Variants in UVRAG observed in about 807,000 individuals in gnomAD.
UVRAG encodes the protein UV radiation resistance-associated gene protein.
In UVRAG, 19 loss-of-function variants were observed where a neutral mutation model predicts 78.0. The ratio of observed to expected loss-of-function variants is 0.24; its 90% CI spans 0.17 to 0.36. UVRAG has a LOEUF of 0.36. UVRAG is among the 10% of genes least tolerant of loss of function. The probability of loss-of-function intolerance (pLI) is 1.00; values close to 1 mark genes in which losing one functional copy is unlikely to be tolerated. For missense variants in UVRAG, 740 were observed against 853.8 expected (o/e 0.87, Z 1.66); for synonymous variants, 323 against 324.6 (o/e 1.00, Z 0.05).
chr11:75,904,401 G>T (rs770654697), intron 5 of UVRAG, among the ~76,000 whole-genome samples: 2 of 152,164 alleles, frequency 1.3e-5, no homozygotes, highest in Non-Finnish European at 2.9e-5. Context: ...AGATACAAAT[G>T]AGCCGTTTCT....
intron 3 of UVRAG, among the ~76,000 whole-genome samples, chr11:75,865,564 G>A (rs1415956292): frequency 2.0e-5 from 3 of 151,724 alleles, no homozygotes; most frequent in Non-Finnish European, 4.4e-5. Flanking sequence ...AGCCACATGA[G>A]GCTAGTAGAT....
At chr11:76,071,364 A>G (rs1951304774) in intron 13 of UVRAG, among the ~76,000 whole-genome samples, 1 of 152,194 alleles carries the variant, frequency 6.6e-6, no homozygotes, top group South Asian at 2.1e-4. Context: ...GGAAAGAGCT[A>G]TGTTGAGGTA....
chr11:75,818,199 A>G (rs1200533904), intron 1 of UVRAG, among the ~76,000 whole-genome samples: 11 of 152,208 alleles, frequency 7.2e-5, no homozygotes, highest in Non-Finnish European at 2.9e-5. Context: ...TTTCTAATGT[A>G]AAAGATCAGT....
chr11:76,140,181 G>A (rs1952690587), intron 14 of UVRAG, among the ~76,000 whole-genome samples: 1 of 139,818 alleles, frequency 7.2e-6, no homozygotes, highest in Non-Finnish European at 1.5e-5. Flanking sequence ...CTAATGCAAG[G>A]TGGTTAGCAT....
At chr11:75,892,334 T>C (rs528632034) in intron 5 of UVRAG, 1 of 985,350 alleles carries the variant, frequency 1.0e-6, no homozygotes, top group African/African-American at 1.7e-5. Flanking sequence ...TTTCATGACC[T>C]TTTCTCCTGA....
intron 6 of UVRAG, among the ~76,000 whole-genome samples, chr11:75,956,807 T>C (rs1373361236): frequency 6.6e-6 from 1 of 152,204 alleles, no homozygotes; most frequent in East Asian, 1.9e-4. Flanking sequence ...CTCATTATGA[T>C]TTTAATATGC....
At chr11:75,859,704 C>T (rs1363610457) in intron 2 of UVRAG, among the ~76,000 whole-genome samples, 1 of 151,962 alleles carries the variant, frequency 6.6e-6, no homozygotes, top group African/African-American at 2.4e-5. Flanking sequence ...TTTAACTCTA[C>T]ATTCACTCAT....
At chr11:75,881,799 A>G (rs549711450) in intron 4 of UVRAG, among the ~76,000 whole-genome samples, 1 of 152,236 alleles carries the variant, frequency 6.6e-6, no homozygotes, top group Non-Finnish European at 1.5e-5. Flanking sequence ...ATTTGCTATC[A>G]TCAGATATAG....
chr11:76,000,595 A>G (rs1179320610), intron 8 of UVRAG, among the ~76,000 whole-genome samples: 3 of 151,900 alleles, frequency 2.0e-5, no homozygotes, highest in Non-Finnish European at 4.4e-5. Flanking sequence ...AGCCTGGGCA[A>G]CAGAGTGAGA....
intron 8 of UVRAG, among the ~76,000 whole-genome samples, chr11:75,993,379 T>G (rs986092658): frequency 6.6e-6 from 1 of 152,188 alleles, no homozygotes; most frequent in Admixed American, 6.5e-5. Context: ...CAACTTGTGG[T>G]CTATGGCAAC....
chr11:75,939,232 A>G (rs1948436317), intron 6 of UVRAG, among the ~76,000 whole-genome samples: 1 of 152,130 alleles, frequency 6.6e-6, no homozygotes, highest in Non-Finnish European at 1.5e-5. Flanking sequence ...TAAAAAATGA[A>G]TTTTCTCTAC....
At chr11:76,102,639 C>T (rs1462539322) in intron 13 of UVRAG, among the ~76,000 whole-genome samples, 1 of 152,114 alleles carries the variant, frequency 6.6e-6, no homozygotes, top group South Asian at 2.1e-4. Context: ...GGATCCTTGT[C>T]TCCTGCTGGT....
chr11:75,874,436 T>C (rs1474389934), intron 3 of UVRAG, among the ~76,000 whole-genome samples: 2 of 152,238 alleles, frequency 1.3e-5, no homozygotes, highest in Non-Finnish European at 2.9e-5. Flanking sequence ...CTGCACAATC[T>C]AGATGCATCT....
In UVRAG at chr11:75,851,258, T is replaced by A. The variant is rs1388786476; in HGVS notation, c.118-625T>A. 2.0e-5 allele frequency among the ~76,000 whole-genome samples: 3 copies of A among 152,372 alleles called. No individual in the cohort carries two copies. In the East Asian group the frequency reaches 5.8e-4, roughly 29 times the overall value. ...TTCTAAACTTATGATTTCAAATCAT[T>A]AAAGAGTCTGGTTGGAGAAATTGTT... On this transcript the variant is annotated intron_variant, in intron 1 of 14. Transcript: ENST00000356136.
At position 75,815,446 on chromosome 11, in the gene UVRAG, G is replaced by T. The variant is rs1201270482; in HGVS notation, c.39G>T (p.Gln13His). ...CGTCGGTCGGGGGCCCCGTCCCCCA[G>T]CCACCCCCGGGCCCGGCCGCTGCTC... ...ASASVGGPVP[Q>H]PPPGPAAALP... The change falls in exon 1 of 15, where the codon CAG becomes CAT. Residue 13 changes from glutamine to histidine, a missense_variant. By Grantham distance (24) the Gln-to-His change is conservative. Transcript: ENST00000356136. 7 of 1,247,930 alleles carry T rather than the reference G, an allele frequency of 5.6e-6. No homozygotes were observed. The East Asian group carries it at 2.2e-4, about 39-fold the overall frequency. The allele number at this position is 1,247,930 out of a possible 1,614,324, so 77.3% of individuals were successfully genotyped here.
chr11:75,858,829 A>G (rs562170493), intron 2 of UVRAG, among the ~76,000 whole-genome samples: 27 of 152,324 alleles, frequency 1.8e-4, no homozygotes, highest in Non-Finnish European at 3.7e-4. Context: ...TATTTCTCCT[A>G]TTATGAGTCC....
At chr11:76,109,080 A>G (rs1246483099) in intron 13 of UVRAG, among the ~76,000 whole-genome samples, 2 of 152,174 alleles carry the variant, frequency 1.3e-5, no homozygotes, top group Admixed American at 1.3e-4. Flanking sequence ...TTTATTTCAG[A>G]GGCTAATTTG....
At chr11:75,912,130 T>C in intron 6 of UVRAG, 91 bp downstream of exon 6, 1 of 919,648 alleles carries the variant, frequency 1.1e-6, no homozygotes, top group South Asian at 1.5e-5. Context: ...AACGGAAGCT[T>C]TAGAGGCTGT....
At chr11:76,106,040 T>TC (rs1355182530) in intron 13 of UVRAG, among the ~76,000 whole-genome samples, 1 of 152,192 alleles carries the variant, frequency 6.6e-6, no homozygotes, top group East Asian at 1.9e-4. Flanking sequence ...AAAACCTATG[T>TC]CCACATACTT....
Sources: gnomAD v4.1 joint callset for allele counts (sites outside exome capture counted in the v4.1 genomes callset) on GRCh38, gnomAD v4.1.1 for gene constraint, MANE v1.5 for transcripts, NCBI Gene and HGNC (gene_info 2026-07-23, HGNC 2026-07-21) for gene names.